The following CSMD3 variants were observed in gnomAD, a reference collection of about 807,000 sequenced individuals.
CSMD3 encodes the protein CUB and sushi domain-containing protein 3.
Under a neutral mutation model 435.2 loss-of-function variants are expected in CSMD3, and 177 were observed. The observed-to-expected ratio is 0.41, with a 90% CI of 0.36 to 0.46. The LOEUF (loss-of-function observed/expected upper bound fraction) is 0.46. CSMD3 is among the 20% of genes least tolerant of loss of function. CSMD3 has a pLI of 0.34. For missense variants in CSMD3, 4,265 were observed against 4,504.6 expected, an observed-to-expected ratio of 0.95 and a Z score of 1.52; for synonymous variants, 1,656 against 1,520.5, an observed-to-expected ratio of 1.09 and a Z score of -2.07.
chr8:113,019,278 G>A (rs998697613), intron 5 of CSMD3, 99 bp from the exon 6 acceptor site: 30 of 769,760 alleles, frequency 3.9e-5, no homozygotes, highest in Non-Finnish European at 7.0e-5. Flanking sequence ...CTATATTCAT[G>A]ACTTTGCACT....
chr8:113,269,724 A>G (rs911105342), intron 3 of CSMD3, among the ~76,000 whole-genome samples: 3 of 152,174 alleles, frequency 2.0e-5, no homozygotes, highest in Non-Finnish European at 4.4e-5. Context: ...AGGATTCCCT[A>G]TTTAACAAAT....
intron 53 of CSMD3, among the ~76,000 whole-genome samples, chr8:112,299,463 T>C (rs1338589184): frequency 1.3e-5 from 2 of 151,962 alleles, no homozygotes; most frequent in Non-Finnish European, 2.9e-5. Context: ...TATTTCAAAA[T>C]GCATCAAAAA....
chr8:112,602,067 T>C (rs950048406), intron 22 of CSMD3, among the ~76,000 whole-genome samples: 9 of 152,300 alleles, frequency 5.9e-5, no homozygotes, highest in Admixed American at 3.3e-4. Flanking sequence ...GTGGTCACTG[T>C]CTAACAATTT....
chr8:113,316,554 T>C (rs990759964), intron 1 of CSMD3, among the ~76,000 whole-genome samples: 13 of 2,532 alleles, frequency 5.1e-3, no homozygotes, highest in African/African-American at 9.5e-3. Context: ...CTATATACTT[T>C]TTTTTTTTTT....
At position 113,035,236 on chromosome 8, in the gene CSMD3, G is replaced by A. The variant is rs2087292183; in HGVS notation, c.918-16057C>T. Among the ~76,000 whole-genome samples, 3 of 152,046 alleles carry A rather than the reference G, an allele frequency of 2.0e-5. No individual in the cohort carries two copies. The South Asian group carries it at 6.2e-4, about 32-fold the overall frequency. On this transcript the variant is annotated intron_variant, in intron 5 of 70. Coordinates refer to ENST00000297405, the MANE Select transcript of CSMD3 (RefSeq NM_198123.2). The stretch of plus-strand genomic sequence containing the variant: ...TTCCTAGACTGATCAAATAAAGAAA[G>A]ATAGGGAGGAATACAAACTTTGTCA...
intron 5 of CSMD3, among the ~76,000 whole-genome samples, chr8:113,040,064 G>T (rs2131282023): frequency 6.6e-6 from 1 of 152,244 alleles, no homozygotes; most frequent in African/African-American, 2.4e-5. Flanking sequence ...GAAACTAAGT[G>T]GTGTGGGTGG....
intron 32 of CSMD3, among the ~76,000 whole-genome samples, chr8:112,421,119 C>T (rs1812449159): frequency 6.6e-6 from 1 of 152,050 alleles, no homozygotes; most frequent in Non-Finnish European, 1.5e-5. Context: ...AAAAAATCAT[C>T]ACCAGTCATC....
chr8:112,451,695 T>C (rs1963038), intron 32 of CSMD3, among the ~76,000 whole-genome samples: 67,476 of 151,814 alleles, frequency 0.44, 15,603 homozygotes, highest in Middle Eastern at 0.6. Context: ...TGTGCCACCA[T>C]GCCCGGCTAA....
intron 2 of CSMD3, chr8:113,313,915 CT>C (rs1404205782): frequency 6.6e-5 from 10 of 152,106 alleles, no homozygotes; most frequent in African/African-American, 2.4e-4. Context: ...CTCAAAAATA[CT>C]TCTAATTTTA....
chr8:112,405,213 CCATAT>C (rs1418576939), intron 35 of CSMD3, among the ~76,000 whole-genome samples: 252 of 17,882 alleles, frequency 0.014, 14 homozygotes, highest in Middle Eastern at 0.036. Flanking sequence ...AAAAAAACCC[CCATAT>C]ATATATATAT....
chr8:112,520,653 A>G (rs1291573584), intron 27 of CSMD3, among the ~76,000 whole-genome samples: 1 of 152,068 alleles, frequency 6.6e-6, no homozygotes, highest in African/African-American at 2.4e-5. Context: ...GCAGAAAAGA[A>G]AGAGGCAAGG....
At chr8:113,354,702 T>A (rs557960134) in intron 1 of CSMD3, among the ~76,000 whole-genome samples, 1 of 152,280 alleles carries the variant, frequency 6.6e-6, no homozygotes, top group Non-Finnish European at 1.5e-5. Context: ...TGTAATGGCA[T>A]GATGTTGGCT....
chr8:113,053,457 A>C (rs1052294118), intron 5 of CSMD3, among the ~76,000 whole-genome samples: 1 of 152,092 alleles, frequency 6.6e-6, no homozygotes, highest in African/African-American at 2.4e-5. Flanking sequence ...AAATAATTAT[A>C]TGTGCATGTG....
chr8:112,437,082 A>T (rs1040369541), intron 32 of CSMD3, among the ~76,000 whole-genome samples: 1 of 152,044 alleles, frequency 6.6e-6, no homozygotes, highest in Non-Finnish European at 1.5e-5. Flanking sequence ...AATGAAATTC[A>T]CTGGATTTAT....
At chr8:112,516,432 TTC>T (rs528947464) in intron 28 of CSMD3, among the ~76,000 whole-genome samples, 58 of 152,292 alleles carry the variant, frequency 3.8e-4, no homozygotes, top group Admixed American at 2.7e-3. Flanking sequence ...AAGCGGGACA[TTC>T]CTCTAAGTCT....
chr8:112,691,237 G>A (rs776638476), intron 13 of CSMD3, among the ~76,000 whole-genome samples: 4 of 151,990 alleles, frequency 2.6e-5, no homozygotes, highest in African/African-American at 7.2e-5. Context: ...GCATTTAAAC[G>A]TTTCTTTAAA....
At chr8:112,998,656 C>G (rs146472737) in intron 6 of CSMD3, among the ~76,000 whole-genome samples, 2 of 152,042 alleles carry the variant, frequency 1.3e-5, no homozygotes, top group African/African-American at 4.8e-5. Context: ...CCCCATGTTA[C>G]CAAATCCCAT....
At chr8:112,935,017 T>C (rs998770659) in intron 9 of CSMD3, among the ~76,000 whole-genome samples, 1 of 152,148 alleles carries the variant, frequency 6.6e-6, no homozygotes, top group Non-Finnish European at 1.5e-5. Context: ...AGGTTGTTTA[T>C]AGTAGTTACA....
At chr8:112,241,888 C>T in intron 65 of CSMD3, 103 bp from the exon 66 acceptor site, 1 of 802,784 alleles carries the variant, frequency 1.2e-6, no homozygotes, top group East Asian at 2.5e-5. Flanking sequence ...ATGCACTGTC[C>T]ATTTTATTCT....
Sources: gnomAD v4.1 joint callset for allele counts (sites outside exome capture counted in the v4.1 genomes callset) on GRCh38, gnomAD v4.1.1 for gene constraint, MANE v1.5 for transcripts, NCBI Gene and HGNC (gene_info 2026-07-23, HGNC 2026-07-21) for gene names.